CELF5: variants seen among roughly 807,000 people sequenced by gnomAD.
The protein encoded by CELF5 is CUGBP Elav-like family member 5.
Under a neutral mutation model 54.9 loss-of-function variants are expected in CELF5, and 6 were observed. The observed-to-expected ratio is 0.11, with a 90% CI of 0.06 to 0.22. CELF5 has a LOEUF of 0.22. CELF5 is among the 10% of genes least tolerant of loss of function. The pLI is 1.00. For synonymous variants in CELF5, 271 were observed against 290.9 expected, an observed-to-expected ratio of 0.93 and a Z score of 0.70; for missense variants, 401 against 678.6, an observed-to-expected ratio of 0.59 and a Z score of 4.54.
Position 3,268,112 on chromosome 19 carries a change from C to T in CELF5, c.343-5760C>T, listed in dbSNP as rs1176846659. On this transcript the variant is annotated intron_variant, in intron 2 of 12. Coordinates refer to ENST00000292672, the MANE Select transcript of CELF5 (RefSeq NM_021938.4). This position sits in a 1 kb window ranked among gnomAD's most constrained non-coding sequence, Gnocchi z 4.4. ...CTCCTGGGTTCAAGCAATTCTTCTGCCTCAGCCTCCCGAGTAGCTGGGATT... is the reference window on the plus strand; with the variant it reads ...CTCCTGGGTTCAAGCAATTCTTCTGTCTCAGCCTCCCGAGTAGCTGGGATT... Among the ~76,000 whole-genome samples, 1 of 152,134 alleles carries T rather than the reference C, an allele frequency of 6.6e-6. No individual in the cohort carries two copies. Among genetic ancestry groups the T allele is most frequent in the Non-Finnish European group, 1.5e-5 (1 of 68,018 alleles).
chr19:3,228,434 T>C lies in CELF5; in HGVS notation c.259+3436T>C, dbSNP rs1480668207. 6.6e-6 allele frequency among the ~76,000 whole-genome samples: 1 copy of C among 152,196 alleles called. No homozygotes were observed. The highest frequency in any genetic ancestry group is 1.5e-5 in the Non-Finnish European group (1 of 68,028). On this transcript the variant is annotated intron_variant, in intron 1 of 12. Transcript: ENST00000292672. This position sits in a 1 kb window ranked among gnomAD's most constrained non-coding sequence, Gnocchi z 6.0. ...TCCAAGGCAGGCACCTCTGGAGCTG[T>C]GGCTGCCCCTGTCTATGGATGGTGG...
At chr19:3,290,180 G>GTTCGCCTCCTCTCCTTGGGGGC in intron 10 of CELF5, 51 bp from the exon 11 acceptor site, 1 of 1,561,158 alleles carries the variant, frequency 6.4e-7, no homozygotes, top group Non-Finnish European at 8.8e-7. Flanking sequence ...CCCCGGGGGG[G>GTTCGCCTCCTCTCCTTGGGGGC]TTCGCCTCCT....
chr19:3,251,295 C>T (rs1365583283), intron 2 of CELF5, among the ~76,000 whole-genome samples: 1 of 152,120 alleles, frequency 6.6e-6, no homozygotes, highest in African/African-American at 2.4e-5. Context: ...TGTGGTTGTG[C>T]AGGTTGTATA....
At position 3,282,182 on chromosome 19, in the gene CELF5, C is replaced by T. The variant is rs1167834896; in HGVS notation, c.807C>T (p.Gly269=). 8.7e-6 allele frequency: 14 copies of T among 1,614,066 alleles called. No individual in the cohort carries two copies. Among genetic ancestry groups the T allele is most frequent in the East Asian group, 6.7e-5 (3 of 44,900 alleles). Residue 269 remains glycine (G), a synonymous_variant, in exon 7 of 13, where the codon GGC becomes GGT. Transcript: ENST00000292672. This position sits in a 1 kb window ranked among gnomAD's most constrained non-coding sequence, Gnocchi z 5.2. ...CCTCGGGCAGCTACCTGAGTCCCGG[C>T]GTGGCCTTCTCACCCTGTCACATCC... ...LSTSGSYLSP[G]VAFSPCHIQQ... is the part of the protein sequence containing the mutation.
chr19:3,284,845 G>A (rs2080208501), intron 8 of CELF5, 57 bp from the exon 9 acceptor site: 1 of 1,462,818 alleles, frequency 6.8e-7, no homozygotes. Context: ...AAGGATCGGG[G>A]GTGGATGGAA....
At position 3,293,344 on chromosome 19, in the gene CELF5, C is replaced by A. The variant is rs781447780; in HGVS notation, c.1356C>A (p.Ala452=). 3.1e-6 allele frequency: 5 copies of A among 1,614,168 alleles called. No individual in the cohort carries two copies. The highest frequency in any genetic ancestry group is 4.2e-6 in the Non-Finnish European group (5 of 1,179,996). ...CFGFVSFDNP[A]SAQAAIQAMN... ...GCTTCGTGAGCTTTGATAACCCGGC[C>A]AGCGCCCAGGCAGCCATCCAGGCCA... The change falls in exon 12 of 13, where the codon GCC becomes GCA. Residue 452 remains alanine (A), a synonymous_variant. Transcript: ENST00000292672.
chr19:3,251,121 G>A (rs2079641523), intron 2 of CELF5, 54 bp downstream of exon 2: 10 of 1,344,268 alleles, frequency 7.4e-6, no homozygotes, highest in South Asian at 1.2e-5. Context: ...CTCTCAGCCT[G>A]GGGTGGGAGC....
chr19:3,265,479 C>T (rs936676417), intron 2 of CELF5, among the ~76,000 whole-genome samples: 1 of 152,194 alleles, frequency 6.6e-6, no homozygotes, highest in African/African-American at 2.4e-5. Context: ...AGAGGCAGTT[C>T]TGCAGGTATA....
intron 1 of CELF5, among the ~76,000 whole-genome samples, chr19:3,247,328 G>A (rs905750465): frequency 7.3e-5 from 11 of 151,722 alleles, no homozygotes; most frequent in African/African-American, 1.7e-4. Flanking sequence ...GGGTTTCACC[G>A]TGTTAGCCAG....
At chr19:3,249,094 G>A (rs868802276) in intron 1 of CELF5, among the ~76,000 whole-genome samples, 3 of 151,910 alleles carry the variant, frequency 2.0e-5, no homozygotes, top group Admixed American at 1.3e-4. Flanking sequence ...CCAGCAGGTG[G>A]CCACTTTAAT....
rs192111564 is a variant in CELF5, at chr19:3,275,077, C to T, written c.395-779C>T. 6.6e-6 allele frequency among the ~76,000 whole-genome samples: 1 copy of T among 152,154 alleles called. No individual in the cohort carries two copies. The highest frequency in any genetic ancestry group is 1.5e-5 in the Non-Finnish European group (1 of 68,030). On this transcript the variant is annotated intron_variant, in intron 3 of 12. Transcript: ENST00000292672. This position sits in a 1 kb window ranked among gnomAD's most constrained non-coding sequence, Gnocchi z 6.7. The stretch of plus-strand genomic sequence containing the variant: ...TGCTGGTTTCTCTCTCTCCCTCCCA[C>T]CCCCATGAGTGACAGCTGCCGAGAG...
intron 1 of CELF5, among the ~76,000 whole-genome samples, chr19:3,241,080 TGAGGCGGAGTC>T (rs2079484199): frequency 6.6e-6 from 1 of 150,608 alleles, no homozygotes. Context: ...TTTTTTTTTT[TGAGGCGGAGTC>T]TTGCTCTGTC....
intron 1 of CELF5, among the ~76,000 whole-genome samples, chr19:3,235,521 G>A (rs1251978191): frequency 1.6e-5 from 1 of 63,314 alleles, no homozygotes; most frequent in Non-Finnish European, 3.5e-5. Context: ...TGGATGGATG[G>A]ATGAATAGGT....
At chr19:3,243,485 T>C (rs1209733738) in intron 1 of CELF5, among the ~76,000 whole-genome samples, 2 of 152,148 alleles carry the variant, frequency 1.3e-5, no homozygotes, top group East Asian at 1.9e-4. Flanking sequence ...TTTGACTACG[T>C]TGCCTAGGCT....
At position 3,224,667 on chromosome 19, in the gene CELF5, C is replaced by A. The variant is rs1005010941; in HGVS notation, c.-73C>A. 2 of 982,196 alleles carry A rather than the reference C, an allele frequency of 2.0e-6. No homozygotes were observed. Among genetic ancestry groups the A allele is most frequent in the African/African-American group, 3.5e-5 (2 of 56,632 alleles). The allele number at this position is 982,196 out of a possible 1,614,324, so 60.8% of individuals were successfully genotyped here. On this transcript the variant is annotated 5_prime_UTR_variant, in exon 1 of 13. Transcript: ENST00000292672. ...GGGGGCCCGGGAGGGAGGCGGGAGG[C>A]GCGGCCGCCGCTCCAGCTGCGAGTC... is the stretch of plus-strand genomic sequence containing the variant.
intron 8 of CELF5, among the ~76,000 whole-genome samples, chr19:3,284,126 G>C (rs1202326955): frequency 9.6e-6 from 1 of 103,890 alleles, no homozygotes; most frequent in East Asian, 2.0e-4. Context: ...GGGATCACAA[G>C]TGTGAGCCAC....
At chr19:3,256,344 T>C (rs562128220) in intron 2 of CELF5, among the ~76,000 whole-genome samples, 2 of 152,168 alleles carry the variant, frequency 1.3e-5, no homozygotes, top group South Asian at 4.1e-4. Flanking sequence ...TCCCCCAGAT[T>C]GGGAGCCCCT....
intron 9 of CELF5, among the ~76,000 whole-genome samples, chr19:3,285,464 C>G (rs1398504833): frequency 4.0e-5 from 6 of 149,946 alleles, no homozygotes; most frequent in Admixed American, 6.6e-5. Flanking sequence ...CCCCTTAACT[C>G]ATGGTCCTGC....
intron 1 of CELF5, among the ~76,000 whole-genome samples, chr19:3,240,078 G>A (rs1171280254): frequency 2.0e-5 from 3 of 151,092 alleles, no homozygotes; most frequent in Non-Finnish European, 4.4e-5. Flanking sequence ...GCGAGATCTC[G>A]GCTCACTGCA....
Sources: gnomAD v4.1 joint callset for allele counts (sites outside exome capture counted in the v4.1 genomes callset) on GRCh38, gnomAD v4.1.1 for gene constraint, Gnocchi (gnomAD v3.1) non-coding constraint, MANE v1.5 for transcripts, NCBI Gene and HGNC (gene_info 2026-07-23, HGNC 2026-07-21) for gene names.